The following GSK3B variants were observed in gnomAD, a reference collection of about 807,000 sequenced individuals.
GSK3B encodes the protein glycogen synthase kinase-3 beta.
In GSK3B, 15 loss-of-function variants were observed where a neutral mutation model predicts 56.4. The observed-to-expected ratio is 0.27, with a 90% CI of 0.18 to 0.41. The LOEUF is 0.41. Ranked by LOEUF, GSK3B falls within the 10% of genes least tolerant of loss-of-function variation. GSK3B has a pLI of 1.00. For synonymous variants in GSK3B, 181 were observed against 188.9 expected, an observed-to-expected ratio of 0.96 and a Z score of 0.34; for missense variants, 300 against 513.4, an observed-to-expected ratio of 0.58 and a Z score of 4.02.
intron 9 of GSK3B, among the ~76,000 whole-genome samples, chr3:119,858,810 G>T (rs2056058087): frequency 6.6e-6 from 1 of 152,070 alleles, no homozygotes; most frequent in South Asian, 2.1e-4. Flanking sequence ...ACACTTAGAG[G>T]CTCTTGTAGG....
intron 2 of GSK3B, among the ~76,000 whole-genome samples, chr3:119,973,154 CATT>C (rs1474446663): frequency 6.6e-6 from 1 of 152,170 alleles, no homozygotes; most frequent in East Asian, 1.9e-4. Context: ...AAGTAGTAAG[CATT>C]ATTACTACTA....
At chr3:119,835,700 T>C (rs1466533176) in intron 10 of GSK3B, among the ~76,000 whole-genome samples, 1 of 152,162 alleles carries the variant, frequency 6.6e-6, no homozygotes, top group Non-Finnish European at 1.5e-5. Flanking sequence ...TTGCAGACTT[T>C]TATGAAATTT....
intron 3 of GSK3B, among the ~76,000 whole-genome samples, chr3:119,927,824 A>C: frequency 6.6e-6 from 1 of 152,166 alleles, no homozygotes; most frequent in African/African-American, 2.4e-5. Context: ...TTTAAGAAGC[A>C]GACAACACAG....
At chr3:119,865,174 C>T (rs1292325290) in intron 8 of GSK3B, among the ~76,000 whole-genome samples, 1 of 151,808 alleles carries the variant, frequency 6.6e-6, no homozygotes, top group Non-Finnish European at 1.5e-5. Flanking sequence ...ACAGTATTGG[C>T]ATATTTTATC....
intron 2 of GSK3B, among the ~76,000 whole-genome samples, chr3:119,987,300 C>A (rs1400934670): frequency 2.0e-5 from 3 of 152,114 alleles, no homozygotes. Flanking sequence ...ACGTTGTGCA[C>A]ATGTACCCTA....
At chr3:119,897,240 T>C (rs1462821334) in intron 7 of GSK3B, among the ~76,000 whole-genome samples, 1 of 152,170 alleles carries the variant, frequency 6.6e-6, no homozygotes, top group African/African-American at 2.4e-5. Context: ...CTTTTAAGTA[T>C]ACAGGGATTT....
chr3:120,027,975 T>C (rs984973242), intron 1 of GSK3B, among the ~76,000 whole-genome samples: 2 of 152,224 alleles, frequency 1.3e-5, no homozygotes, highest in African/African-American at 4.8e-5. Flanking sequence ...AATATGCTTA[T>C]AGAACACTTC....
intron 2 of GSK3B, among the ~76,000 whole-genome samples, chr3:119,997,945 C>T (rs1394809164): frequency 6.6e-6 from 1 of 151,920 alleles, no homozygotes. Context: ...AAAATATAAC[C>T]CCAGAAAAAT....
intron 10 of GSK3B, among the ~76,000 whole-genome samples, chr3:119,840,220 G>A (rs1257004040): frequency 4.6e-5 from 4 of 86,416 alleles, no homozygotes; most frequent in South Asian, 4.5e-4. Context: ...GTCTGATGCC[G>A]AGAATTTTTT....
chr3:119,898,519 C>T (rs1330760272), intron 7 of GSK3B, among the ~76,000 whole-genome samples: 1 of 152,074 alleles, frequency 6.6e-6, no homozygotes, highest in Non-Finnish European at 1.5e-5. Flanking sequence ...TTACAATATA[C>T]ATATAATAAG....
intron 7 of GSK3B, among the ~76,000 whole-genome samples, chr3:119,903,773 A>G (rs968591682): frequency 6.6e-6 from 1 of 152,192 alleles, no homozygotes; most frequent in African/African-American, 2.4e-5. Flanking sequence ...GAGAAATGAT[A>G]CAATTGTAAT....
intron 2 of GSK3B, among the ~76,000 whole-genome samples, chr3:119,993,260 T>C (rs899422364): frequency 3.3e-5 from 5 of 151,518 alleles, no homozygotes; most frequent in African/African-American, 1.2e-4. Flanking sequence ...GGAAATAAAA[T>C]AGAAAGAATC....
chr3:119,873,404 A>T (rs928176989), intron 8 of GSK3B, among the ~76,000 whole-genome samples: 1 of 151,992 alleles, frequency 6.6e-6, no homozygotes, highest in African/African-American at 2.4e-5. Context: ...ACAGGAAACC[A>T]GGGTTCACAT....
chr3:119,892,900 TTC>T (rs1279207810), intron 7 of GSK3B, among the ~76,000 whole-genome samples: 9 of 152,180 alleles, frequency 5.9e-5, no homozygotes, highest in African/African-American at 2.2e-4. Context: ...AAAACATGTA[TTC>T]TGTTTCAAAA....
At chr3:120,077,538 TG>T (rs777387940) in intron 1 of GSK3B, among the ~76,000 whole-genome samples, 1 of 152,040 alleles carries the variant, frequency 6.6e-6, no homozygotes, top group Non-Finnish European at 1.5e-5. Context: ...AGCAAATACC[TG>T]GGATAAACAT....
intron 7 of GSK3B, among the ~76,000 whole-genome samples, chr3:119,903,051 A>G (rs1460963980): frequency 6.6e-6 from 1 of 152,138 alleles, no homozygotes; most frequent in Non-Finnish European, 1.5e-5. Flanking sequence ...AAACACACAC[A>G]CACAACACTC....
chr3:120,071,943 T>A (rs2058329985), intron 1 of GSK3B, among the ~76,000 whole-genome samples: 1 of 152,162 alleles, frequency 6.6e-6, no homozygotes, highest in Non-Finnish European at 1.5e-5. Context: ...TATTGCAAAG[T>A]TAACAGAAAA....
At chr3:120,042,541 A>C (rs1218664413) in intron 1 of GSK3B, among the ~76,000 whole-genome samples, 1 of 152,240 alleles carries the variant, frequency 6.6e-6, no homozygotes, top group Non-Finnish European at 1.5e-5. Flanking sequence ...AATTAATCAG[A>C]GATGCCTCTA....
intron 1 of GSK3B, among the ~76,000 whole-genome samples, chr3:120,060,157 T>C (rs192328735): frequency 1.3e-4 from 20 of 151,970 alleles, no homozygotes; most frequent in Non-Finnish European, 2.4e-4. Context: ...GGGAGAAGAA[T>C]AGACACAGAT....
Sources: gnomAD v4.1 joint callset for allele counts (sites outside exome capture counted in the v4.1 genomes callset) on GRCh38, gnomAD v4.1.1 for gene constraint, MANE v1.5 for transcripts, NCBI Gene and HGNC (gene_info 2026-07-23, HGNC 2026-07-21) for gene names.